Variants in GRM7 observed in about 807,000 individuals in gnomAD.
GRM7 encodes glutamate metabotropic receptor 7.
GRM7 carries 35 observed loss-of-function variants against 84.5 expected under a neutral mutation model. The observed-to-expected ratio is 0.41, with a 90% CI of 0.32 to 0.55. The LOEUF is 0.55. Ranked by LOEUF, GRM7 falls within the 20% of genes least tolerant of loss-of-function variation. The probability of loss-of-function intolerance (pLI) is 0.19; values close to 1 mark genes in which losing one functional copy is unlikely to be tolerated. For synonymous variants in GRM7, 487 were observed against 455.1 expected (o/e 1.07, Z -0.89); for missense variants, 1,003 against 1,194.6 (o/e 0.84, Z 2.36).
At chr3:7,139,325 A>C (rs1416211587) in intron 1 of GRM7, among the ~76,000 whole-genome samples, 1 of 151,800 alleles carries the variant, frequency 6.6e-6, no homozygotes, top group African/African-American at 2.4e-5. Context: ...CATCTAGCAT[A>C]ACACAGCAAC....
At chr3:7,261,556 C>T (rs1393638158) in intron 2 of GRM7, among the ~76,000 whole-genome samples, 1 of 152,132 alleles carries the variant, frequency 6.6e-6, no homozygotes, top group Non-Finnish European at 1.5e-5. Flanking sequence ...CAGCTTGCCA[C>T]TGCGTGTCTT....
At chr3:7,616,436 A>G (rs1697081812) in intron 8 of GRM7, among the ~76,000 whole-genome samples, 1 of 152,096 alleles carries the variant, frequency 6.6e-6, no homozygotes, top group South Asian at 2.1e-4. Flanking sequence ...GTCTGGTCCA[A>G]CTAATATTTA....
chr3:7,089,216 C>G (rs1447066165), intron 1 of GRM7, among the ~76,000 whole-genome samples: 1 of 151,944 alleles, frequency 6.6e-6, no homozygotes, highest in Non-Finnish European at 1.5e-5. Context: ...AGCATAAAAT[C>G]TATAGAAGAG....
intron 1 of GRM7, among the ~76,000 whole-genome samples, chr3:6,971,695 T>G (rs1235122584): frequency 6.6e-6 from 1 of 152,182 alleles, no homozygotes; most frequent in Admixed American, 6.5e-5. Context: ...TAGCCTCAAA[T>G]TTTTCCTTTT....
intron 4 of GRM7, among the ~76,000 whole-genome samples, chr3:7,385,907 T>C (rs1410243842): frequency 6.6e-6 from 1 of 152,228 alleles, no homozygotes; most frequent in African/African-American, 2.4e-5. Flanking sequence ...TGAATTCTAA[T>C]GGAATGCATT....
At chr3:7,036,410 G>C (rs1452924585) in intron 1 of GRM7, among the ~76,000 whole-genome samples, 1 of 152,136 alleles carries the variant, frequency 6.6e-6, no homozygotes, top group Non-Finnish European at 1.5e-5. Flanking sequence ...ACGATGGCAT[G>C]AACAGTAATT....
intron 7 of GRM7, among the ~76,000 whole-genome samples, chr3:7,474,778 G>C (rs1698851988): frequency 6.7e-6 from 1 of 148,962 alleles, no homozygotes; most frequent in South Asian, 2.1e-4. Context: ...GACATGAGTA[G>C]GGACCAATTG....
intron 7 of GRM7, among the ~76,000 whole-genome samples, chr3:7,506,992 C>T (rs1202285347): frequency 1.3e-5 from 2 of 152,118 alleles, no homozygotes; most frequent in Non-Finnish European, 2.9e-5. Context: ...TTCATATCAC[C>T]ATTTTTATAA....
At chr3:7,114,264 G>A (rs1431540202) in intron 1 of GRM7, among the ~76,000 whole-genome samples, 1 of 152,132 alleles carries the variant, frequency 6.6e-6, no homozygotes, top group African/African-American at 2.4e-5. Context: ...ATGGTTTAAT[G>A]AGCAATGAGG....
chr3:7,099,273 GAATACA>G (rs1698971681), intron 1 of GRM7, among the ~76,000 whole-genome samples: 1 of 130,460 alleles, frequency 7.7e-6, no homozygotes, highest in East Asian at 2.0e-4. Context: ...ATGTATATAT[GAATACA>G]TGTATTATAC....
rs1698651824 is a variant in GRM7, at chr3:7,266,644, C to T, written c.737-32040C>T. Among the ~76,000 whole-genome samples, 5 of 152,160 alleles carry T rather than the reference C, an allele frequency of 3.3e-5. No individual in the cohort carries two copies. In the South Asian group the frequency reaches 1.0e-3, roughly 32 times the overall value. ...AAATGTTTTCTCTTTTATTTTTCAACTCGGCAAAGCATTCAGCTCACAATT... is the reference window on the plus strand; with the variant it reads ...AAATGTTTTCTCTTTTATTTTTCAATTCGGCAAAGCATTCAGCTCACAATT... On this transcript the variant is annotated intron_variant, in intron 2 of 9. Coordinates refer to ENST00000357716, the MANE Select transcript of GRM7 (RefSeq NM_000844.4).
chr3:6,954,065 GT>G (rs35244237), intron 1 of GRM7, among the ~76,000 whole-genome samples: 25,540 of 151,896 alleles, frequency 0.17, 2,388 homozygotes, highest in Non-Finnish European at 0.22. Flanking sequence ...AAAAAAATTG[GT>G]ATATTATGTA....
chr3:6,953,506 C>A (rs958746922), intron 1 of GRM7, among the ~76,000 whole-genome samples: 13 of 152,138 alleles, frequency 8.5e-5, no homozygotes, highest in African/African-American at 2.9e-4. Flanking sequence ...TTCATTTTTC[C>A]CCCCATGCCT....
intron 2 of GRM7, among the ~76,000 whole-genome samples, chr3:7,234,973 C>T (rs1003264207): frequency 7.2e-5 from 11 of 152,182 alleles, no homozygotes; most frequent in African/African-American, 2.7e-4. Context: ...GTTTTCTTGC[C>T]TGTACTGAAA....
intron 4 of GRM7, among the ~76,000 whole-genome samples, chr3:7,312,000 C>G (rs576500904): frequency 6.6e-6 from 1 of 152,262 alleles, no homozygotes; most frequent in South Asian, 2.1e-4. Flanking sequence ...CATGATTTCT[C>G]CTCCTCTATC....
At chr3:6,970,507 A>G (rs1181416032) in intron 1 of GRM7, among the ~76,000 whole-genome samples, 6 of 152,236 alleles carry the variant, frequency 3.9e-5, no homozygotes, top group Non-Finnish European at 8.8e-5. Flanking sequence ...TTTAAACTTT[A>G]AAATATACAC....
intron 4 of GRM7, among the ~76,000 whole-genome samples, chr3:7,371,905 C>CACCA (rs1158256264): frequency 6.6e-6 from 1 of 152,034 alleles, no homozygotes; most frequent in Non-Finnish European, 1.5e-5. Context: ...GGGTGTAGAC[C>CACCA]AGTGTTCCGG....
At chr3:7,543,760 A>G (rs1693009767) in intron 7 of GRM7, among the ~76,000 whole-genome samples, 1 of 152,196 alleles carries the variant, frequency 6.6e-6, no homozygotes, top group Admixed American at 6.5e-5. Flanking sequence ...AATCAACATG[A>G]AAACCTGTAG....
At chr3:7,305,348 T>TTCCTGCCTGGAAGAAAAAAAAG (rs201034007) in intron 3 of GRM7, among the ~76,000 whole-genome samples, 10 of 101,946 alleles carry the variant, frequency 9.8e-5, no homozygotes, top group Admixed American at 1.8e-4. Context: ...TTTTTCTTTT[T>TTCCTGCCTGGAAGAAAAAAAAG]TTTTTTTTTT....
Sources: gnomAD v4.1 joint callset for allele counts (sites outside exome capture counted in the v4.1 genomes callset) on GRCh38, gnomAD v4.1.1 for gene constraint, MANE v1.5 for transcripts, NCBI Gene and HGNC (gene_info 2026-07-23, HGNC 2026-07-21) for gene names.